Variants in ASIC2 observed in about 807,000 individuals in gnomAD.
ASIC2 encodes the protein acid-sensing ion channel 2.
A neutral mutation model predicts 57.3 loss-of-function variants in ASIC2; 25 were observed. The observed-to-expected ratio is 0.44, with a 90% CI of 0.32 to 0.61. The LOEUF is 0.61. Ranked by LOEUF, ASIC2 falls within the 20% of genes least tolerant of loss-of-function variation. ASIC2 has a pLI of 0.06. For missense variants in ASIC2, 641 were observed against 738.1 expected (o/e 0.87, Z 1.52); for synonymous variants, 319 against 307.5 (o/e 1.04, Z -0.39).
At chr17:33,416,985 C>T (rs908329675) in intron 1 of ASIC2, among the ~76,000 whole-genome samples, 2 of 152,012 alleles carry the variant, frequency 1.3e-5, no homozygotes, top group Non-Finnish European at 2.9e-5. Context: ...GGCTTAATGG[C>T]TTAACCCAGG....
chr17:33,297,090 T>C (rs16968232), upstream of ASIC2, among the ~76,000 whole-genome samples: 6,576 of 152,324 alleles, frequency 0.043, 419 homozygotes, highest in African/African-American at 0.14. Flanking sequence ...TTCTTTCACA[T>C]GGAAACTCTT....
At chr17:33,714,816 T>G (rs1460889058) in intron 1 of ASIC2, among the ~76,000 whole-genome samples, 2 of 150,476 alleles carry the variant, frequency 1.3e-5, no homozygotes, top group Non-Finnish European at 3.0e-5. Context: ...CTTTTTTTTT[T>G]TTTTTTTTTG....
intron 1 of ASIC2, among the ~76,000 whole-genome samples, chr17:34,097,578 G>C (rs1021635887): frequency 1.3e-5 from 2 of 152,158 alleles, no homozygotes; most frequent in Admixed American, 1.3e-4. Context: ...TCTTGTGAGA[G>C]AGAAAAAATG....
chr17:33,898,122 TCTGCCC>T (rs1187640884), intron 1 of ASIC2, among the ~76,000 whole-genome samples: 1 of 151,796 alleles, frequency 6.6e-6, no homozygotes, highest in African/African-American at 2.4e-5. Flanking sequence ...GGGGAGGTGC[TCTGCCC>T]ATATTTCTTT....
intron 1 of ASIC2, among the ~76,000 whole-genome samples, chr17:33,717,269 T>C (rs1320520027): frequency 1.3e-5 from 2 of 152,240 alleles, no homozygotes; most frequent in African/African-American, 4.8e-5. Context: ...AAAATGGTTG[T>C]AAAATGGATA....
intron 1 of ASIC2, among the ~76,000 whole-genome samples, chr17:33,325,272 T>G (rs1289920071): frequency 6.6e-6 from 1 of 152,178 alleles, no homozygotes; most frequent in Non-Finnish European, 1.5e-5. Context: ...AGAGGAAGGA[T>G]GTCTCAGAGC....
chr17:33,683,709 T>A (rs1908083262), intron 1 of ASIC2, among the ~76,000 whole-genome samples: 1 of 151,238 alleles, frequency 6.6e-6, no homozygotes, highest in South Asian at 2.1e-4. Context: ...GGCCAGGTAA[T>A]TTTTTTGTTT....
chr17:33,232,485 G>A (rs1271010069), intron 1 of ASIC2, among the ~76,000 whole-genome samples: 10 of 150,702 alleles, frequency 6.6e-5, no homozygotes, highest in African/African-American at 2.0e-4. Context: ...GTATGGTATG[G>A]TATGGTATGG....
intron 1 of ASIC2, among the ~76,000 whole-genome samples, chr17:34,019,897 C>T (rs1426737476): frequency 6.6e-6 from 1 of 152,108 alleles, no homozygotes; most frequent in African/African-American, 2.4e-5. Context: ...AGCTGGGACA[C>T]CTGGGCCTTT....
At chr17:33,036,652 C>T (rs975609650) in intron 3 of ASIC2, among the ~76,000 whole-genome samples, 4 of 152,230 alleles carry the variant, frequency 2.6e-5, no homozygotes, top group Admixed American at 2.6e-4. Context: ...TCTCAATCCT[C>T]CTGCCTCTGC....
intron 1 of ASIC2, among the ~76,000 whole-genome samples, chr17:33,773,828 T>C (rs1001927651): frequency 3.3e-5 from 5 of 151,682 alleles, no homozygotes; most frequent in Admixed American, 6.6e-5. Flanking sequence ...CTAATTTAAA[T>C]TTTATTATTA....
At chr17:33,256,777 A>G (rs894588841) in intron 1 of ASIC2, among the ~76,000 whole-genome samples, 2 of 152,186 alleles carry the variant, frequency 1.3e-5, no homozygotes, top group Admixed American at 6.5e-5. Context: ...GGTTGCAGTG[A>G]GCCAAGATTG....
At position 34,156,224 on chromosome 17, in the gene ASIC2, G is replaced by C; in HGVS notation, c.309C>G (p.Thr103=). 2 of 1,614,122 alleles carry C rather than the reference G, an allele frequency of 1.2e-6. No individual in the cohort carries two copies. Among genetic ancestry groups the C allele is most frequent in the Non-Finnish European group, 1.7e-6 (2 of 1,180,020 alleles). Reference sequence around the variant, plus strand: ...CCCCAGCATGGTACAGGTCATTGGTGGTGAGCCTGGAGAACCGGAAGCCAT... The same window carrying C: ...CCCCAGCATGGTACAGGTCATTGGTCGTGAGCCTGGAGAACCGGAAGCCAT... The change falls in exon 1 of 10, where the codon ACC becomes ACG. Residue 103 remains threonine (T), a synonymous_variant. Transcript: ENST00000359872. This position sits in a 1 kb window ranked among gnomAD's most constrained non-coding sequence, Gnocchi z 4.4.
At chr17:33,737,947 T>C (rs941730217) in intron 1 of ASIC2, among the ~76,000 whole-genome samples, 21 of 151,938 alleles carry the variant, frequency 1.4e-4, no homozygotes, top group African/African-American at 4.8e-4. Flanking sequence ...CCCAACTTGG[T>C]AAACAAAAAA....
intron 1 of ASIC2, among the ~76,000 whole-genome samples, chr17:33,161,082 T>TAGC: frequency 6.6e-6 from 1 of 152,172 alleles, no homozygotes; most frequent in Non-Finnish European, 1.5e-5. Flanking sequence ...ATTAGAGAAG[T>TAGC]AGCAGCATCT....
chr17:33,495,680 C>A (rs142831115), intron 1 of ASIC2, among the ~76,000 whole-genome samples: 1 of 152,220 alleles, frequency 6.6e-6, no homozygotes, highest in Non-Finnish European at 1.5e-5. Flanking sequence ...AAGGCCAGGC[C>A]CCCCACCCTC....
chr17:33,250,489 G>T (rs994008287), intron 1 of ASIC2, among the ~76,000 whole-genome samples: 6 of 152,202 alleles, frequency 3.9e-5, no homozygotes. Context: ...CCTCTGAGTA[G>T]AACAAGAAGA....
At chr17:33,470,810 GCA>G (rs1271543235) in intron 1 of ASIC2, among the ~76,000 whole-genome samples, 1 of 152,192 alleles carries the variant, frequency 6.6e-6, no homozygotes, top group East Asian at 1.9e-4. Flanking sequence ...GGAGTTCACA[GCA>G]TTCACCTGTA....
chr17:33,065,328 T>C (rs2092038865), intron 3 of ASIC2, among the ~76,000 whole-genome samples: 1 of 151,016 alleles, frequency 6.6e-6, no homozygotes. Context: ...AGCTGCTCAG[T>C]CACCACTTCC....
Sources: gnomAD v4.1 joint callset for allele counts (sites outside exome capture counted in the v4.1 genomes callset) on GRCh38, gnomAD v4.1.1 for gene constraint, Gnocchi (gnomAD v3.1) non-coding constraint, MANE v1.5 for transcripts, NCBI Gene and HGNC (gene_info 2026-07-23, HGNC 2026-07-21) for gene names.